CFAP54: variants seen among roughly 807,000 people sequenced by gnomAD.
CFAP54 encodes cilia and flagella associated protein 54.
Under a neutral mutation model 370.4 loss-of-function variants are expected in CFAP54, and 290 were observed. That is an observed-to-expected ratio of 0.78 (90% confidence interval 0.71 to 0.86). The LOEUF is 0.86. CFAP54 is among the 40% of genes least tolerant of loss of function. The pLI is 0.00. For synonymous variants in CFAP54, 1,206 were observed against 1,236.5 expected, an observed-to-expected ratio of 0.98 and a Z score of 0.52; for missense variants, 3,399 against 3,528.7, an observed-to-expected ratio of 0.96 and a Z score of 0.93.
chr12:96,720,388 T>C lies in CFAP54; in HGVS notation c.6805-17T>C, dbSNP rs1480409663. 1 of 1,445,124 alleles carries C rather than the reference T, an allele frequency of 6.9e-7. No individual in the cohort carries two copies. The highest frequency in any genetic ancestry group is 1.4e-5 in the African/African-American group (1 of 69,528). 89.5% of individuals were successfully genotyped at this position (1,445,124 alleles called of 1,614,324 possible). ...ATTATTTCTGAACTCACGTGATGTA[T>C]GGTATCCTTTCCTTAGTCGATGTTA... On this transcript the variant is annotated splice_polypyrimidine_tract_variant and intron_variant, in intron 49 of 67. Coordinates refer to ENST00000524981, the MANE Select transcript of CFAP54 (RefSeq NM_001306084.2).
At position 96,869,665 on chromosome 12, in the gene CFAP54, G is replaced by A. The variant is rs1286446744; in HGVS notation, c.*15-5453G>A. Among the ~76,000 whole-genome samples the A allele has an allele frequency of 4.7e-4, 71 of 152,160 alleles. 1 individual carries two copies. The highest frequency in any genetic ancestry group is 4.7e-3 in the Admixed American group (71 of 15,266). On this transcript the variant is annotated intron_variant, in intron 67 of 67. Coordinates refer to ENST00000524981, the MANE Select transcript of CFAP54 (RefSeq NM_001306084.2). Reference sequence around the variant, plus strand: ...AATAGATTATTATGGGCCGGGTGCAGTGGCTCATACCTGTAATCCCAGCAC... The same window carrying A: ...AATAGATTATTATGGGCCGGGTGCAATGGCTCATACCTGTAATCCCAGCAC...
At chr12:96,551,411 G>A (rs1955692573) in intron 15 of CFAP54, among the ~76,000 whole-genome samples, 1 of 151,610 alleles carries the variant, frequency 6.6e-6, no homozygotes, top group Non-Finnish European at 1.5e-5. Context: ...CTGCCCTCAA[G>A]TAGGTTTTTA....
chr12:96,492,678 T>C (rs1954898056), intron 1 of CFAP54, among the ~76,000 whole-genome samples: 2 of 152,240 alleles, frequency 1.3e-5, no homozygotes, highest in African/African-American at 4.8e-5. Flanking sequence ...AATAAATATT[T>C]AGTATTGAAA....
chr12:96,494,624 T>C (rs539663493), intron 1 of CFAP54, among the ~76,000 whole-genome samples: 1 of 152,148 alleles, frequency 6.6e-6, no homozygotes, highest in African/African-American at 2.4e-5. Context: ...AAGATATTAT[T>C]CTGATGATCA....
chr12:96,768,310 G>A (rs1051345667), intron 60 of CFAP54, among the ~76,000 whole-genome samples: 7 of 152,128 alleles, frequency 4.6e-5, no homozygotes, highest in Non-Finnish European at 1.0e-4. Flanking sequence ...GACAAAGTGA[G>A]ACTCTGTCTC....
chr12:96,545,517 C>T (rs1955630563), intron 14 of CFAP54, among the ~76,000 whole-genome samples: 2 of 152,058 alleles, frequency 1.3e-5, no homozygotes, highest in South Asian at 4.2e-4. Context: ...ATAAAGTCAC[C>T]AGTCCCGCTC....
intron 14 of CFAP54, among the ~76,000 whole-genome samples, chr12:96,543,038 A>T (rs1955595118): frequency 6.6e-6 from 1 of 152,150 alleles, no homozygotes; most frequent in South Asian, 2.1e-4. Flanking sequence ...GCTTACTTAG[A>T]TTCTGCTGAT....
chr12:96,544,424 CTCT>C lies in CFAP54; in HGVS notation c.2077+3438_2077+3440del, dbSNP rs746863291. Among the ~76,000 whole-genome samples the C allele has an allele frequency of 1.4e-3, 204 of 149,900 alleles. 2 individuals are homozygous for C. Among genetic ancestry groups the C allele is most frequent in the African/African-American group, 4.8e-3 (196 of 41,184 alleles). Reference sequence around the variant, plus strand: ...GAAAACAGAATATCTCTCTCTCTCTCTCTCTCTCTCTCTCTCTCTGACTTTCTA... The same window carrying C: ...GAAAACAGAATATCTCTCTCTCTCTCCTCTCTCTCTCTCTCTGACTTTCTA... On this transcript the variant is annotated intron_variant, in intron 14 of 67. Coordinates refer to ENST00000524981, the MANE Select transcript of CFAP54 (RefSeq NM_001306084.2).
chr12:96,676,359 T>C (rs1202259302), intron 39 of CFAP54, among the ~76,000 whole-genome samples: 1 of 152,202 alleles, frequency 6.6e-6, no homozygotes, highest in Non-Finnish European at 1.5e-5. Context: ...CATATTATTA[T>C]ATGTGGGGGC....
At chr12:96,735,570 T>C (rs546292124) in intron 50 of CFAP54, among the ~76,000 whole-genome samples, 1 of 152,292 alleles carries the variant, frequency 6.6e-6, no homozygotes, top group South Asian at 2.1e-4. Context: ...TAAATAATGA[T>C]AAGTTTGCAT....
intron 67 of CFAP54, among the ~76,000 whole-genome samples, chr12:96,861,892 C>T (rs1959888525): frequency 6.6e-6 from 1 of 152,012 alleles, no homozygotes. Context: ...TGAATACTTC[C>T]CAGATGCTAG....
chr12:96,718,778 C>T (rs935645386), intron 49 of CFAP54, among the ~76,000 whole-genome samples: 1 of 152,192 alleles, frequency 6.6e-6, no homozygotes, highest in African/African-American at 2.4e-5. Context: ...GTGGCTCACA[C>T]CTGTAATCCC....
chr12:96,655,671 T>C (rs1956913511), intron 36 of CFAP54, among the ~76,000 whole-genome samples: 1 of 152,112 alleles, frequency 6.6e-6, no homozygotes, highest in Non-Finnish European at 1.5e-5. Flanking sequence ...AATCTGATTT[T>C]TTTTAACAAA....
At chr12:96,817,382 G>C (rs1437798677) in intron 64 of CFAP54, among the ~76,000 whole-genome samples, 1 of 151,720 alleles carries the variant, frequency 6.6e-6, no homozygotes, top group Non-Finnish European at 1.5e-5. Context: ...AATAACTGAG[G>C]GCTTACTTTA....
chr12:96,675,985 C>T (rs1184161568), intron 39 of CFAP54, among the ~76,000 whole-genome samples: 1 of 151,880 alleles, frequency 6.6e-6, no homozygotes, highest in Non-Finnish European at 1.5e-5. Flanking sequence ...ATACCTAATG[C>T]TAAATGACGA....
chr12:96,795,115 G>A (rs1424080476), intron 63 of CFAP54, among the ~76,000 whole-genome samples: 2 of 152,170 alleles, frequency 1.3e-5, no homozygotes, highest in Non-Finnish European at 2.9e-5. Flanking sequence ...CTCAGCCATG[G>A]ATACCAGCAC....
intron 63 of CFAP54, among the ~76,000 whole-genome samples, chr12:96,806,710 TC>T (rs1375487042): frequency 2.0e-5 from 3 of 152,152 alleles, no homozygotes; most frequent in Non-Finnish European, 4.4e-5. Context: ...GCCCAGGGAT[TC>T]CCTTTGAGGT....
At chr12:96,769,427 G>C (rs1958434560) in intron 60 of CFAP54, among the ~76,000 whole-genome samples, 1 of 152,188 alleles carries the variant, frequency 6.6e-6, no homozygotes, top group African/African-American at 2.4e-5. Context: ...GAGGGGTGTG[G>C]GTGGATGGGG....
intron 19 of CFAP54, among the ~76,000 whole-genome samples, chr12:96,567,768 T>G (rs942327441): frequency 6.6e-6 from 1 of 152,164 alleles, no homozygotes; most frequent in African/African-American, 2.4e-5. Flanking sequence ...TTCCCCTGTA[T>G]GTGTCTGCCT....
Sources: gnomAD v4.1 joint callset for allele counts (sites outside exome capture counted in the v4.1 genomes callset) on GRCh38, gnomAD v4.1.1 for gene constraint, MANE v1.5 for transcripts, NCBI Gene and HGNC (gene_info 2026-07-23, HGNC 2026-07-21) for gene names.